Variants in C12orf76 observed in about 807,000 individuals in gnomAD.
The protein encoded by C12orf76 is uncharacterized protein C12orf76.
Under a neutral mutation model 6.8 loss-of-function variants are expected in C12orf76, and 6 were observed. The observed-to-expected ratio is 0.88, with a 90% confidence interval of 0.48 to 1.73. The LOEUF (loss-of-function observed/expected upper bound fraction) is 1.73, where lower values mean the gene tolerates loss of function less well. Ranked by LOEUF, C12orf76 falls within the 40% of genes most tolerant of loss-of-function variation. C12orf76 has a pLI of 0.01. For missense variants in C12orf76, 99 were observed against 98.2 expected, an observed-to-expected ratio of 1.01 and a Z score of -0.03; for synonymous variants, 56 against 43.7, an observed-to-expected ratio of 1.28 and a Z score of -1.11.
chr12:110,042,240 A>G lies in C12orf76; in HGVS notation c.*134T>C, dbSNP rs1892333036. ...TCTAGTACATGTTTTCTTCTAATTC[A>G]TTTAGCATTTACCAACTGTCCAGAC... On this transcript the variant is annotated 3_prime_UTR_variant, in exon 2 of 2. Transcript: ENST00000615315. The G allele has an allele frequency of 2.9e-6, 2 of 680,638 alleles. No individual in the cohort carries two copies. The highest frequency in any genetic ancestry group is 5.3e-6 in the Non-Finnish European group (2 of 375,608). The allele number at this position is 680,638 out of a possible 1,614,324, so 42.2% of individuals were successfully genotyped here. A position where few individuals can be genotyped will look rare whatever the true frequency, so the allele number is the denominator to read the frequency against.
intron 1 of C12orf76, 100 bp downstream of exon 1, chr12:110,048,263 C>A: frequency 7.4e-7 from 1 of 1,348,470 alleles, no homozygotes; most frequent in East Asian, 3.0e-5. Context: ...CCCATCTCCC[C>A]ACTCTATCCC....
chr12:110,072,196 G>A (rs921970565), upstream of C12orf76, among the ~76,000 whole-genome samples: 2 of 152,084 alleles, frequency 1.3e-5, no homozygotes, highest in African/African-American at 4.8e-5. Flanking sequence ...GGAGGCTGAG[G>A]TGGGAGGATT....
chr12:110,048,562 GTC>G (rs1257865351), upstream of C12orf76: 6 of 1,344,012 alleles, frequency 4.5e-6, no homozygotes, highest in East Asian at 1.2e-4. Flanking sequence ...CTCCTCCCAG[GTC>G]TCTCTGCGTC....
chr12:110,068,257 AAGAAGAAGAAGAAGAAGAAGAAG>A (rs1426889807), upstream of C12orf76, among the ~76,000 whole-genome samples: 1 of 64,382 alleles, frequency 1.6e-5, no homozygotes, highest in African/African-American at 6.4e-5. Flanking sequence ...AAAGAAGAAG[AAGAAGAAGAAGAAGAAGAAGAAG>A]AAGAAGAAGA....
intron 1 of C12orf76, chr12:110,066,140 G>C: frequency 7.5e-7 from 1 of 1,337,566 alleles, no homozygotes; most frequent in Non-Finnish European, 9.6e-7. Flanking sequence ...GGGAGGCCGA[G>C]GCAGGCGGAT....
upstream of C12orf76, among the ~76,000 whole-genome samples, chr12:110,052,351 C>T (rs143103954): frequency 4.8e-3 from 728 of 152,170 alleles, 8 homozygotes; most frequent in African/African-American, 0.017. Flanking sequence ...TGTACCACCA[C>T]GCCTGGCTAA....
At chr12:110,061,097 AAAAAG>A (rs1406816451) in intron 2 of C12orf76, among the ~76,000 whole-genome samples, 34 of 151,988 alleles carry the variant, frequency 2.2e-4, no homozygotes, top group Non-Finnish European at 4.4e-4. Context: ...AAAAAAAAAA[AAAAAG>A]AAACCTACAT....
upstream of C12orf76, chr12:110,050,523 G>A (rs1892557676): frequency 6.2e-6 from 1 of 162,088 alleles, no homozygotes; most frequent in African/African-American, 2.4e-5. Flanking sequence ...TTGCAGTAAA[G>A]GAGCCTGCTA....
At chr12:110,060,307 G>C (rs1892748151) in intron 2 of C12orf76, among the ~76,000 whole-genome samples, 1 of 152,158 alleles carries the variant, frequency 6.6e-6, no homozygotes, top group Non-Finnish European at 1.5e-5. Flanking sequence ...CCCTGAAAGA[G>C]TGAGTCATCA....
intron 1 of C12orf76, among the ~76,000 whole-genome samples, chr12:110,043,726 GT>G (rs1892376341): frequency 6.6e-6 from 1 of 151,922 alleles, no homozygotes; most frequent in African/African-American, 2.4e-5. Context: ...GTGGTGGTGT[GT>G]GCCTGTAGTC....
upstream of C12orf76, chr12:110,051,107 G>A (rs1448039675): frequency 9.0e-6 from 7 of 780,732 alleles, no homozygotes; most frequent in Non-Finnish European, 1.4e-5. Flanking sequence ...ACCTTGCTGT[G>A]CACAGAACTG....
At chr12:110,068,933 A>C (rs1383638357), upstream of C12orf76, among the ~76,000 whole-genome samples, 1 of 152,236 alleles carries the variant, frequency 6.6e-6, no homozygotes, top group East Asian at 1.9e-4. Context: ...ATGGTTACAT[A>C]AACTTAAGGC....
Position 110,059,224 on chromosome 12 carries a change from G to A in C12orf76, n.381-61C>T, listed in dbSNP as rs112606202. ...TTTGTGTGTTGATCTTGTTCCTTGC[G>A]ACTTTACTGAATTGGTTAATTAGCT... On this transcript the variant is annotated intron_variant and non_coding_transcript_variant, in intron 2 of 4. Coordinates refer to the C12orf76 transcript ENST00000309050. The A allele has an allele frequency of 5.0e-4, 742 of 1,492,412 alleles. 4 individuals carry two copies. The African/African-American group carries it at 9.6e-3, about 19-fold the overall frequency. The allele number at this position is 1,492,412 out of a possible 1,614,324, so 92.4% of individuals were successfully genotyped here.
intron 2 of C12orf76, among the ~76,000 whole-genome samples, chr12:110,061,763 C>T (rs895694798): frequency 2.0e-5 from 3 of 151,712 alleles, no homozygotes; most frequent in African/African-American, 4.8e-5. Flanking sequence ...GCCTTGAACT[C>T]CTGACCTCGT....
chr12:110,052,397 A>G (rs1389883215), upstream of C12orf76, among the ~76,000 whole-genome samples: 1 of 151,450 alleles, frequency 6.6e-6, no homozygotes, highest in East Asian at 1.9e-4. Context: ...GGGTCTCTTT[A>G]TGTTGCCCAG....
At chr12:110,056,189 A>G (rs1167215605) in intron 4 of C12orf76, among the ~76,000 whole-genome samples, 1 of 152,118 alleles carries the variant, frequency 6.6e-6, no homozygotes, top group African/African-American at 2.4e-5. Context: ...TGAGTTTGTG[A>G]TGTCCTCCCT....
chr12:110,066,035 T>C (rs922181863), intron 1 of C12orf76: 1 of 1,574,424 alleles, frequency 6.4e-7, no homozygotes, highest in East Asian at 2.3e-5. Flanking sequence ...TCACATCACC[T>C]AGGTGTCAAG....
chr12:110,068,332 G>GAAGA (rs1566080359), upstream of C12orf76, among the ~76,000 whole-genome samples: 78 of 108,334 alleles, frequency 7.2e-4, no homozygotes, highest in Admixed American at 1.6e-3. Context: ...GAAGAAGAAG[G>GAAGA]CGGCCAAATA....
At chr12:110,063,643 T>C (rs1008080275) in intron 2 of C12orf76, among the ~76,000 whole-genome samples, 1 of 150,882 alleles carries the variant, frequency 6.6e-6, no homozygotes, top group Admixed American at 6.6e-5. Context: ...TATTTATTTA[T>C]TGAGACCGAG....
Sources: allele counts gnomAD v4.1 joint callset (sites outside exome capture counted in the v4.1 genomes callset), GRCh38; gene constraint gnomAD v4.1.1; transcripts MANE v1.5; gene names NCBI Gene and HGNC (gene_info 2026-07-23, HGNC 2026-07-21).